NELL1: variants seen among roughly 807,000 people sequenced by gnomAD.
NELL1 encodes the protein protein kinase C-binding protein NELL1.
A neutral mutation model predicts 107.4 loss-of-function variants in NELL1; 76 were observed. The observed-to-expected ratio is 0.71, with a 90% CI of 0.59 to 0.86. The LOEUF (loss-of-function observed/expected upper bound fraction) is 0.86. Ranked by LOEUF, NELL1 falls within the 40% of genes least tolerant of loss-of-function variation. The pLI is 0.00. For synonymous variants in NELL1, 353 were observed against 341.2 expected, an observed-to-expected ratio of 1.03 and a Z score of -0.38; for missense variants, 1,024 against 1,005.5, an observed-to-expected ratio of 1.02 and a Z score of -0.25.
At chr11:21,397,439 T>C (rs910711637) in intron 15 of NELL1, among the ~76,000 whole-genome samples, 2 of 151,640 alleles carry the variant, frequency 1.3e-5, no homozygotes, top group African/African-American at 4.8e-5. Context: ...TACTCAGTCT[T>C]TATACTAAAA....
rs1024105493 is a variant in NELL1 at position 20,669,924 on chromosome 11, C to T, written c.55+146C>T. ...CGGTTCCTGGGATCTCTTTGCCCTG[C>T]TCGGAGTGACAGGGTGAAAATAGGG... On this transcript the variant is annotated intron_variant, in intron 1 of 19. Coordinates refer to ENST00000357134, the MANE Select transcript of NELL1 (RefSeq NM_006157.5). The surrounding 1 kb of genome is among the most constrained non-coding windows in gnomAD (Gnocchi z 4.4). 1.5e-6 allele frequency: 1 copy of T among 685,812 alleles called. No homozygotes were observed. The highest frequency in any genetic ancestry group is 2.6e-6 in the Non-Finnish European group (1 of 381,216). The allele number at this position is 685,812 out of a possible 1,614,324, so 42.5% of individuals were successfully genotyped here. A position where few individuals can be genotyped will look rare whatever the true frequency, so the allele number is the denominator to read the frequency against.
intron 3 of NELL1, among the ~76,000 whole-genome samples, chr11:20,823,938 G>T (rs1857816515): frequency 6.6e-6 from 1 of 151,352 alleles, no homozygotes; most frequent in Non-Finnish European, 1.5e-5. Flanking sequence ...AAACAAGATG[G>T]AAGGGTAATA....
intron 15 of NELL1, among the ~76,000 whole-genome samples, chr11:21,404,007 C>A (rs1189084389): frequency 3.1e-5 from 3 of 96,400 alleles, no homozygotes; most frequent in East Asian, 4.3e-4. Context: ...ATTCCTGAAC[C>A]CCCCCCCCCG....
chr11:20,769,940 A>G (rs184433273), intron 2 of NELL1, among the ~76,000 whole-genome samples: 47 of 152,302 alleles, frequency 3.1e-4, no homozygotes, highest in African/African-American at 1.1e-3. Context: ...CCAAGTAGAA[A>G]AGACTGCGTG....
intron 14 of NELL1, among the ~76,000 whole-genome samples, chr11:21,250,820 G>T (rs1015840659): frequency 1.4e-4 from 21 of 152,134 alleles, no homozygotes; most frequent in African/African-American, 5.1e-4. Context: ...GAAATAAATA[G>T]ATGAGGCTTC....
intron 9 of NELL1, among the ~76,000 whole-genome samples, chr11:20,928,936 T>C (rs1216159184): frequency 1.3e-5 from 2 of 152,228 alleles, no homozygotes; most frequent in Non-Finnish European, 2.9e-5. Context: ...AACTTCCGGA[T>C]GAAATTCAGT....
At chr11:21,146,871 C>T (rs563183554) in intron 13 of NELL1, among the ~76,000 whole-genome samples, 12 of 152,244 alleles carry the variant, frequency 7.9e-5, no homozygotes, top group African/African-American at 2.6e-4. Context: ...TAGTGAAACC[C>T]TGTCTCTGCT....
chr11:20,760,286 C>T (rs777203900), intron 2 of NELL1, among the ~76,000 whole-genome samples: 4 of 152,104 alleles, frequency 2.6e-5, no homozygotes, highest in Non-Finnish European at 5.9e-5. Context: ...TGTATGTAGC[C>T]GTAATGTTGT....
At chr11:21,383,033 G>T (rs2133771308) in intron 15 of NELL1, among the ~76,000 whole-genome samples, 1 of 152,068 alleles carries the variant, frequency 6.6e-6, no homozygotes, top group South Asian at 2.1e-4. Flanking sequence ...TTGTATCCAA[G>T]AATATGCACT....
intron 12 of NELL1, among the ~76,000 whole-genome samples, chr11:21,021,081 C>T (rs553958314): frequency 7.3e-4 from 110 of 151,136 alleles, no homozygotes; most frequent in African/African-American, 2.7e-3. Context: ...AGTTTTTAGA[C>T]TTTCACAACT....
intron 2 of NELL1, among the ~76,000 whole-genome samples, chr11:20,777,710 T>G (rs1245804287): frequency 6.6e-6 from 1 of 152,224 alleles, no homozygotes; most frequent in Non-Finnish European, 1.5e-5. Context: ...GGCTAGAAGG[T>G]TGTGGCCTGT....
intron 15 of NELL1, among the ~76,000 whole-genome samples, chr11:21,372,064 ATTTTGTGAC>A (rs1851368936): frequency 6.6e-6 from 1 of 152,064 alleles, no homozygotes; most frequent in Admixed American, 6.6e-5. Context: ...CTGTTTCTAT[ATTTTGTGAC>A]ATTATCAACA....
intron 12 of NELL1, among the ~76,000 whole-genome samples, chr11:21,025,144 A>C (rs1192839758): frequency 6.6e-6 from 1 of 152,062 alleles, no homozygotes; most frequent in Admixed American, 6.6e-5. Context: ...CTGAGGTAGA[A>C]TCCGCTTCCC....
At chr11:20,704,889 T>G (rs930147128) in intron 2 of NELL1, among the ~76,000 whole-genome samples, 2 of 152,190 alleles carry the variant, frequency 1.3e-5, no homozygotes, top group Admixed American at 1.3e-4. Context: ...GAGAGCCAAA[T>G]CATGAGTGAA....
At chr11:20,922,533 C>T (rs1482422613) in intron 7 of NELL1, among the ~76,000 whole-genome samples, 1 of 151,858 alleles carries the variant, frequency 6.6e-6, no homozygotes. Context: ...ATATGGTTCG[C>T]AGATGCAAAA....
At chr11:21,078,696 T>A (rs901612824) in intron 12 of NELL1, among the ~76,000 whole-genome samples, 1 of 152,118 alleles carries the variant, frequency 6.6e-6, no homozygotes, top group Non-Finnish European at 1.5e-5. Context: ...TATGTGTGTA[T>A]GTATATATTA....
chr11:20,680,652 C>T lies in NELL1; in HGVS notation c.184+2592C>T, dbSNP rs186018904. On this transcript the variant is annotated intron_variant, in intron 2 of 19. Coordinates refer to ENST00000357134, the MANE Select transcript of NELL1 (RefSeq NM_006157.5). ...CAATTGTGAAATTCAGCAGTGCAAA[C>T]TCCGTTGGGTTCAAGTCTTAGAAAT... Among the ~76,000 whole-genome samples the T allele has an allele frequency of 1.6e-3, 249 of 152,222 alleles. 1 individual carries two copies. The highest frequency in any genetic ancestry group is 1.3e-3 in the Non-Finnish European group (90 of 67,994).
intron 5 of NELL1, among the ~76,000 whole-genome samples, chr11:20,903,011 G>T (rs2134134802): frequency 6.6e-6 from 1 of 151,966 alleles, no homozygotes; most frequent in South Asian, 2.1e-4. Context: ...GTTTTATTAG[G>T]GTTGTGAACC....
At chr11:21,371,364 A>G (rs1159131878) in intron 15 of NELL1, among the ~76,000 whole-genome samples, 17 of 152,260 alleles carry the variant, frequency 1.1e-4, no homozygotes, top group African/African-American at 3.6e-4. Context: ...ACCACATTAA[A>G]TAATTCCAGC....
Sources: allele counts gnomAD v4.1 joint callset (sites outside exome capture counted in the v4.1 genomes callset), GRCh38; gene constraint gnomAD v4.1.1; non-coding constraint Gnocchi (gnomAD v3.1); transcripts MANE v1.5; gene names NCBI Gene and HGNC (gene_info 2026-07-23, HGNC 2026-07-21).